Variants in DAB2IP observed in about 807,000 individuals in gnomAD.
DAB2IP encodes the protein DAB2 interacting protein.
A neutral mutation model predicts 107.2 loss-of-function variants in DAB2IP; 28 were observed. The ratio of observed to expected loss-of-function variants is 0.26; its 90% confidence interval spans 0.19 to 0.36. The LOEUF (loss-of-function observed/expected upper bound fraction) is 0.36, where lower values mean the gene tolerates loss of function less well. Among genes scored for constraint, DAB2IP ranks in the 10% least tolerant of loss-of-function variants. The pLI, the probability that DAB2IP is intolerant of heterozygous loss-of-function variation, is 1.00. For synonymous variants in DAB2IP, 755 were observed against 706.4 expected (o/e 1.07, Z -1.09); for missense variants, 1,400 against 1,644.7 (o/e 0.85, Z 2.57).
intron 3 of DAB2IP, among the ~76,000 whole-genome samples, chr9:121,745,743 A>G (rs1157233780): frequency 1.4e-5 from 2 of 147,904 alleles, no homozygotes; most frequent in Non-Finnish European, 3.0e-5. Flanking sequence ...GGTGCAGGAG[A>G]GGCCCATCCG....
At position 121,635,011 on chromosome 9, in the gene DAB2IP, T is replaced by C. The variant is rs584985; in HGVS notation, c.41-43667T>C. 0.31 allele frequency among the ~76,000 whole-genome samples: 46,786 copies of C among 151,924 alleles called. 7,492 individuals carry two copies. The highest frequency in any genetic ancestry group is 0.39 in the African/African-American group (16,223 of 41,418). On this transcript the variant is annotated intron_variant, in intron 1 of 16. Coordinates refer to the DAB2IP transcript ENST00000259371. The surrounding 1 kb of genome is among the most constrained non-coding windows in gnomAD (Gnocchi z 4.3). ...TGCGGCCCACCCAGCCTCAGACCTGTGTATATGTGTGTGTGTGTGCGCGTG... is the reference window on the plus strand; with the variant it reads ...TGCGGCCCACCCAGCCTCAGACCTGCGTATATGTGTGTGTGTGTGCGCGTG...
At chr9:121,763,603 G>C in exon 7 of DAB2IP, 1 of 1,613,858 alleles carries the variant, frequency 6.2e-7, no homozygotes, top group Non-Finnish European at 8.5e-7. Context: ...AGGCCATTGA[G>C]GAGTACCTCA....
chr9:121,631,535 C>T (rs569619983), intron 1 of DAB2IP, among the ~76,000 whole-genome samples: 19 of 152,048 alleles, frequency 1.2e-4, no homozygotes, highest in African/African-American at 1.7e-4. Context: ...AAGAAGCTTG[C>T]GGCCCGACGC....
In DAB2IP at chr9:121,698,431, TG is replaced by T. The variant is rs1423516554; in HGVS notation, c.229-889del. Among the ~76,000 whole-genome samples the T allele has an allele frequency of 6.6e-6, 1 of 152,152 alleles. No individual in the cohort carries two copies. The highest frequency in any genetic ancestry group is 1.5e-5 in the Non-Finnish European group (1 of 68,012). ...GCCATTAGACCAGGAGCTCTTGGGA[TG>T]GGGGAGGTGGGGGATTAAGCTCTGT... On this transcript the variant is annotated intron_variant, in intron 2 of 15. Transcript: ENST00000408936. This position sits in a 1 kb window ranked among gnomAD's most constrained non-coding sequence, Gnocchi z 4.1.
intron 1 of DAB2IP, among the ~76,000 whole-genome samples, chr9:121,655,104 C>G (rs539284811): frequency 6.6e-6 from 1 of 152,098 alleles, no homozygotes; most frequent in South Asian, 2.1e-4. Context: ...CAGAGTGAGA[C>G]CTGCTGTGGT....
chr9:121,689,682 C>T (rs530973041), intron 2 of DAB2IP, among the ~76,000 whole-genome samples: 9 of 152,318 alleles, frequency 5.9e-5, no homozygotes, highest in Non-Finnish European at 1.2e-4. Context: ...GGGAATCCTA[C>T]CCAACAGAAG....
At chr9:121,742,074 C>A (rs748272707) in intron 3 of DAB2IP, among the ~76,000 whole-genome samples, 1 of 152,126 alleles carries the variant, frequency 6.6e-6, no homozygotes, top group Non-Finnish European at 1.5e-5. Flanking sequence ...CCTTGAATGA[C>A]TCAGCCCCTG....
intron 1 of DAB2IP, among the ~76,000 whole-genome samples, chr9:121,665,735 A>G (rs1048213902): frequency 2.6e-5 from 4 of 152,248 alleles, no homozygotes; most frequent in Non-Finnish European, 5.9e-5. Flanking sequence ...ATGGAGAAAG[A>G]GCAAAGCTTA....
chr9:121,740,981 T>C (rs902487667), intron 3 of DAB2IP, among the ~76,000 whole-genome samples: 8 of 152,210 alleles, frequency 5.3e-5, no homozygotes, highest in Non-Finnish European at 1.2e-4. Context: ...CTCTTCTTAC[T>C]GACTAATCCT....
rs1211654353 is a variant in DAB2IP at position 121,699,157 on chromosome 9, G to T, written c.229-168G>T. Among the ~76,000 whole-genome samples, 1 of 144,926 alleles carries T rather than the reference G, an allele frequency of 6.9e-6. No individual in the cohort carries two copies. The highest frequency in any genetic ancestry group is 1.5e-5 in the Non-Finnish European group (1 of 65,494). ...GCGCGGGCCGGGCCGTCGGCGCTCGGTCGGCGGGCGGGCGGCGCGGGCCGC... is the reference window on the plus strand; with the variant it reads ...GCGCGGGCCGGGCCGTCGGCGCTCGTTCGGCGGGCGGGCGGCGCGGGCCGC... On this transcript the variant is annotated intron_variant, in intron 2 of 15. Coordinates refer to ENST00000408936, the Ensembl canonical transcript of DAB2IP. The surrounding 1 kb of genome is among the most constrained non-coding windows in gnomAD (Gnocchi z 6.2).
chr9:121,649,436 C>G (rs1564133141), upstream of DAB2IP, among the ~76,000 whole-genome samples: 1 of 146,476 alleles, frequency 6.8e-6, no homozygotes, highest in Non-Finnish European at 1.5e-5. Context: ...TGTTGGGGGC[C>G]CAGGCTAAGA....
chr9:121,585,926 A>C (rs1309667181), intron 1 of DAB2IP, among the ~76,000 whole-genome samples: 4 of 152,116 alleles, frequency 2.6e-5, no homozygotes, highest in Non-Finnish European at 5.9e-5. Flanking sequence ...TACGGATCTA[A>C]CTTGACCCGA....
rs771438744 is a variant in DAB2IP at position 121,699,280 on chromosome 9, C to T, written c.229-45C>T. 2.3e-6 allele frequency: 3 copies of T among 1,326,762 alleles called. No individual in the cohort carries two copies. Among genetic ancestry groups the T allele is most frequent in the Admixed American group, 2.7e-5 (1 of 37,034 alleles). The allele number at this position is 1,326,762 out of a possible 1,614,324, so 82.2% of individuals were successfully genotyped here. On this transcript the variant is annotated intron_variant, in intron 2 of 15. Transcript: ENST00000408936. The surrounding 1 kb of genome is among the most constrained non-coding windows in gnomAD (Gnocchi z 6.2). ...CGCGGGTCCCGGCCCGCCGCCGCCG[C>T]GCTAACCCCGCCTCCCCTTCCCCCT... is the stretch of plus-strand genomic sequence containing the variant.
Position 121,758,338 on chromosome 9 carries a change from C to T in DAB2IP, c.517-560C>T, listed in dbSNP as rs565157067. On this transcript the variant is annotated intron_variant, in intron 4 of 15. Transcript: ENST00000408936. ...TGGGGACCCTAGGGCCTGGCACATCCAGACAGTCCGAGTCTCATTTCTCCA... is the reference window on the plus strand; with the variant it reads ...TGGGGACCCTAGGGCCTGGCACATCTAGACAGTCCGAGTCTCATTTCTCCA... Among the ~76,000 whole-genome samples, 7 of 152,308 alleles carry T rather than the reference C, an allele frequency of 4.6e-5. 2 individuals carry two copies. The highest frequency in any genetic ancestry group is 1.7e-4 in the African/African-American group (7 of 41,552).
intron 1 of DAB2IP, among the ~76,000 whole-genome samples, chr9:121,645,299 A>G (rs1832498026): frequency 6.6e-6 from 1 of 151,992 alleles, no homozygotes. Context: ...TGGGGTGAGG[A>G]AGGAGGGCTG....
At position 121,634,894 on chromosome 9, in the gene DAB2IP, C is replaced by A. The variant is rs2119022847; in HGVS notation, c.41-43784C>A. ...CGTGGGCTCGGCTGCTCCCTGCTGACTTGCACCTCAGAGGCACCCCCAGCC... is the reference window on the plus strand; with the variant it reads ...CGTGGGCTCGGCTGCTCCCTGCTGAATTGCACCTCAGAGGCACCCCCAGCC... On this transcript the variant is annotated intron_variant, in intron 1 of 16. Transcript: ENST00000259371. This position sits in a 1 kb window ranked among gnomAD's most constrained non-coding sequence, Gnocchi z 4.7. Among the ~76,000 whole-genome samples the A allele has an allele frequency of 6.6e-6, 1 of 152,334 alleles. No homozygotes were observed. Among genetic ancestry groups the A allele is most frequent in the East Asian group, 1.9e-4 (1 of 5,188 alleles).
chr9:121,579,648 G>T (rs1830147092), intron 1 of DAB2IP, among the ~76,000 whole-genome samples: 1 of 152,022 alleles, frequency 6.6e-6, no homozygotes, highest in Non-Finnish European at 1.5e-5. Context: ...TCTGCTCAGG[G>T]CTCTGGGGGC....
chr9:121,737,674 C>T (rs1375340782), intron 3 of DAB2IP: 2 of 985,300 alleles, frequency 2.0e-6, no homozygotes, highest in Admixed American at 1.2e-4. Context: ...TGCAAGTGCC[C>T]AGAACCAGGT....
At chr9:121,735,920 C>T (rs1014816264) in intron 3 of DAB2IP, among the ~76,000 whole-genome samples, 10 of 152,206 alleles carry the variant, frequency 6.6e-5, no homozygotes, top group African/African-American at 2.2e-4. Flanking sequence ...GGCTTCTGGG[C>T]GCAATCGGGA....
Sources: allele counts gnomAD v4.1 joint callset (sites outside exome capture counted in the v4.1 genomes callset), GRCh38; gene constraint gnomAD v4.1.1; non-coding constraint Gnocchi (gnomAD v3.1); transcripts MANE v1.5; gene names NCBI Gene and HGNC (gene_info 2026-07-23, HGNC 2026-07-21).